SEC24C: variants seen among roughly 807,000 people sequenced by gnomAD.
SEC24C encodes the protein protein transport protein Sec24C.
A neutral mutation model predicts 117.0 loss-of-function variants in SEC24C; 22 were observed. That is an observed-to-expected ratio of 0.19 (90% confidence interval 0.13 to 0.27). The LOEUF is 0.27. Among genes scored for constraint, SEC24C ranks in the 10% least tolerant of loss-of-function variants. SEC24C has a pLI of 1.00. For missense variants in SEC24C, 1,155 were observed against 1,375.1 expected, an observed-to-expected ratio of 0.84 and a Z score of 2.53; for synonymous variants, 506 against 529.4, an observed-to-expected ratio of 0.96 and a Z score of 0.61.
intron 16 of SEC24C, 44 bp from the exon 17 acceptor site, chr10:73,768,963 C>G (rs2082928613): frequency 6.2e-7 from 1 of 1,614,032 alleles, no homozygotes; most frequent in South Asian, 1.1e-5. Context: ...AGGCATGTGG[C>G]ACTTGTCATA....
At chr10:73,753,011 C>T (rs1158166115) in intron 3 of SEC24C, among the ~76,000 whole-genome samples, 1 of 152,098 alleles carries the variant, frequency 6.6e-6, no homozygotes, top group Non-Finnish European at 1.5e-5. Context: ...TCATAAATAA[C>T]AACTATCCTG....
chr10:73,760,478 C>G, intron 5 of SEC24C, 92 bp downstream of exon 5: 2 of 1,433,286 alleles, frequency 1.4e-6, no homozygotes, highest in Non-Finnish European at 1.9e-6. Context: ...TTTAGTATTA[C>G]TTGCTAAGTG....
intron 8 of SEC24C, 29 bp from the exon 9 acceptor site, chr10:73,765,422 T>C (rs143857540): frequency 3.8e-6 from 6 of 1,598,736 alleles, no homozygotes; most frequent in Non-Finnish European, 5.1e-6. Context: ...TTTTCCTTTA[T>C]GTCTGATCCC....
chr10:73,751,015 G>A (rs2082634673), intron 2 of SEC24C, 93 bp from the exon 3 acceptor site: 2 of 1,402,050 alleles, frequency 1.4e-6, no homozygotes, highest in Admixed American at 1.9e-5. Context: ...GCCAGTGAAG[G>A]TCTGAGTTTA....
Position 73,771,078 on chromosome 10 carries a change from C to A in SEC24C, c.3268C>A (p.Arg1090=), listed in dbSNP as rs769309794. The A allele has an allele frequency of 4.3e-6, 7 of 1,613,840 alleles. No individual in the cohort carries two copies. In the African/African-American group the frequency reaches 9.3e-5, roughly 22 times the overall value. ...TCTCTGTCATATGCACAAGGAGATT[C>A]GGCAGCTACTGAGCTAAAGCAAGTG... is the stretch of plus-strand genomic sequence containing the variant. ...DFLCHMHKEI[R]QLLS is the part of the protein sequence containing the mutation. Residue 1090 remains arginine (R), a synonymous_variant, in exon 23 of 23, where the codon CGG becomes AGG. Transcript: ENST00000345254.
At chr10:73,750,339 A>G (rs769210292) in intron 2 of SEC24C, among the ~76,000 whole-genome samples, 1 of 152,230 alleles carries the variant, frequency 6.6e-6, no homozygotes, top group Non-Finnish European at 1.5e-5. Context: ...CCACATTTCA[A>G]AAGTGATGTG....
At chr10:73,770,137 G>A in intron 20 of SEC24C, 122 bp downstream of exon 20, 1 of 1,255,212 alleles carries the variant, frequency 8.0e-7, no homozygotes, top group Non-Finnish European at 1.1e-6. Flanking sequence ...TTTAGCTGAT[G>A]TAATTTTCAC....
At chr10:73,755,905 G>GGT (rs1446011516) in intron 3 of SEC24C, among the ~76,000 whole-genome samples, 1 of 150,966 alleles carries the variant, frequency 6.6e-6, no homozygotes, top group Non-Finnish European at 1.5e-5. Flanking sequence ...AGGCTGGAGT[G>GGT]CAGTGGCACG....
intron 8 of SEC24C, 87 bp from the exon 9 acceptor site, chr10:73,765,364 T>C: frequency 6.7e-7 from 1 of 1,487,676 alleles, no homozygotes; most frequent in Non-Finnish European, 9.3e-7. Context: ...GCCATGCGCC[T>C]TCTTCCTCCG....
At chr10:73,770,166 AC>A in intron 20 of SEC24C, 113 bp from the exon 21 acceptor site, 1 of 1,256,116 alleles carries the variant, frequency 8.0e-7, no homozygotes, top group Non-Finnish European at 1.1e-6. Flanking sequence ...AGTTACTGAG[AC>A]CCCAGAAGGG....
At chr10:73,759,852 G>C in intron 4 of SEC24C, 58 bp downstream of exon 4, 3 of 1,499,460 alleles carry the variant, frequency 2.0e-6, no homozygotes, top group Non-Finnish European at 2.7e-6. Context: ...ATCAGACTCT[G>C]GGGTTATACC....
At chr10:73,747,517 AT>A (rs1312044430) in intron 2 of SEC24C, among the ~76,000 whole-genome samples, 2 of 151,458 alleles carry the variant, frequency 1.3e-5, no homozygotes, top group African/African-American at 2.4e-5. Context: ...ACACCAGCTA[AT>A]TTTTTTGTCT....
In SEC24C at chr10:73,757,936, A is replaced by C. The variant is rs1386798704; in HGVS notation, c.309-1686A>C. 7.4e-4 allele frequency among the ~76,000 whole-genome samples: 111 copies of C among 150,008 alleles called. 1 individual carries two copies. The highest frequency in any genetic ancestry group is 2.4e-3 in the African/African-American group (97 of 40,868). ...ACCCTGTCTCAAAAAAAAAAAAAAAAAAAAAAAAAAAACGTAAGGCTGGGC... is the reference window on the plus strand; with the variant it reads ...ACCCTGTCTCAAAAAAAAAAAAAAACAAAAAAAAAAAACGTAAGGCTGGGC... On this transcript the variant is annotated intron_variant, in intron 3 of 22. Transcript: ENST00000345254.
rs768567602 is a variant in SEC24C, at chr10:73,765,453, T to C, written c.1230T>C (p.Ala410=). 5 of 1,610,118 alleles carry C rather than the reference T, an allele frequency of 3.1e-6. No individual in the cohort carries two copies. The East Asian group carries it at 1.1e-4, about 36-fold the overall frequency. The part of the protein sequence containing the change: ...KPLARLPPEE[A]SPYVVDHGES... ...ATCCCTTCCCCTTTGCGCCTTAGGC[T>C]TCACCGTATGTTGTGGACCATGGGG... Residue 410 remains alanine (A), a splice_region_variant and synonymous_variant, in exon 9 of 23, where the codon GCT becomes GCC. Coordinates refer to ENST00000345254, the MANE Select transcript of SEC24C (RefSeq NM_198597.3).
At chr10:73,746,217 GAA>G (rs1380784948) in intron 1 of SEC24C, among the ~76,000 whole-genome samples, 2 of 151,534 alleles carry the variant, frequency 1.3e-5, no homozygotes, top group Non-Finnish European at 2.9e-5. Context: ...TCTTTTGGTG[GAA>G]AGACTTGGGT....
At position 73,769,153 on chromosome 10, in the gene SEC24C, G is replaced by C; in HGVS notation, c.2424+1G>C. ...TGAAGAGAGCGGAGCTCTCCTGCAG[G>C]TGGCAGGCGGGAGGCGGGGCTGGGC... On this transcript the variant is annotated splice_donor_variant, in intron 17 of 22. Transcript: ENST00000345254. LOFTEE classifies it high-confidence loss of function. This position sits in a 1 kb window ranked among gnomAD's most constrained non-coding sequence, Gnocchi z 4.5. The C allele has an allele frequency of 6.2e-7, 1 of 1,614,142 alleles. No individual in the cohort carries two copies. The highest frequency in any genetic ancestry group is 8.5e-7 in the Non-Finnish European group (1 of 1,180,010).
At chr10:73,753,828 C>T (rs543596691) in intron 3 of SEC24C, among the ~76,000 whole-genome samples, 27 of 152,186 alleles carry the variant, frequency 1.8e-4, no homozygotes, top group Non-Finnish European at 2.4e-4. Context: ...CAAAGAATTT[C>T]CCACAGTTTG....
rs374333099 is a variant in SEC24C at position 73,760,346 on chromosome 10, G to A, written c.810G>A (p.Met270Ile). 19 of 1,607,688 alleles carry A rather than the reference G, an allele frequency of 1.2e-5. No individual in the cohort carries two copies. The highest frequency in any genetic ancestry group is 1.6e-5 in the Non-Finnish European group (19 of 1,178,810). ...MTGPLGPLPP[M>I]HSPQQPGYQP... ...GGCCCCTGGGACCACTGCCACCTAT[G>A]CACTCCCCGCAGCAGCCAGGCTATC... is the stretch of plus-strand genomic sequence containing the variant. Residue 270 changes from methionine to isoleucine, a missense_variant, in exon 5 of 23, where the codon ATG (methionine) becomes ATA (isoleucine). Transcript: ENST00000345254.
rs184626025 is a variant in SEC24C at position 73,757,755 on chromosome 10, A to G, written c.309-1867A>G. ...GCAAGACCCTGTCTCTACAAAAAAT[A>G]AAAAAAATTAGCTAGGTGTGGTGGT... On this transcript the variant is annotated intron_variant, in intron 3 of 22. Coordinates refer to ENST00000345254, the MANE Select transcript of SEC24C (RefSeq NM_198597.3). Among the ~76,000 whole-genome samples, 776 of 149,984 alleles carry G rather than the reference A, an allele frequency of 5.2e-3. 6 individuals carry two copies. The highest frequency in any genetic ancestry group is 0.018 in the African/African-American group (747 of 40,714).
Sources: gnomAD v4.1 joint callset for allele counts (sites outside exome capture counted in the v4.1 genomes callset) on GRCh38, gnomAD v4.1.1 for gene constraint, Gnocchi (gnomAD v3.1) non-coding constraint, MANE v1.5 for transcripts, NCBI Gene and HGNC (gene_info 2026-07-23, HGNC 2026-07-21) for gene names.